The following CCDC33 variants were observed in gnomAD, a reference collection of about 807,000 sequenced individuals.
CCDC33 encodes coiled-coil domain-containing protein 33.
In CCDC33, 94 loss-of-function variants were observed where a neutral mutation model predicts 91.9. That is an observed-to-expected ratio of 1.02 (90% CI 0.87 to 1.21). The LOEUF (loss-of-function observed/expected upper bound fraction) is 1.21. Among genes scored for constraint, CCDC33 ranks in the 50% most tolerant of loss-of-function variants. CCDC33 has a pLI of 0.00. For synonymous variants in CCDC33, 396 were observed against 374.5 expected (o/e 1.06, Z -0.66); for missense variants, 940 against 935.5 (o/e 1.00, Z -0.06).
intron 11 of CCDC33, chr15:74,301,816 C>T (rs2059799964): frequency 1.3e-5 from 2 of 152,118 alleles, no homozygotes; most frequent in Admixed American, 1.3e-4. Flanking sequence ...CTCTTCCTGT[C>T]TCTCTCCCTG....
Position 74,270,083 on chromosome 15 carries a change from A to G in CCDC33, c.547-1620A>G, listed in dbSNP as rs114743894. Reference sequence around the variant, plus strand: ...GTACCATCAGAGATTCAATCCTTTGAATGTGATGAAGGGATTCAGTCTCCA... The same window carrying G: ...GTACCATCAGAGATTCAATCCTTTGGATGTGATGAAGGGATTCAGTCTCCA... On this transcript the variant is annotated intron_variant, in intron 5 of 18. Transcript: ENST00000398814. Among the ~76,000 whole-genome samples, 902 of 152,262 alleles carry G rather than the reference A, an allele frequency of 5.9e-3. 9 individuals carry two copies. Among genetic ancestry groups the G allele is most frequent in the African/African-American group, 0.02 (848 of 41,540 alleles).
rs1443954053 is a variant in CCDC33 at position 74,330,271 on chromosome 15, G to A, written c.1373G>A (p.Gly458Glu). The stretch of plus-strand genomic sequence containing the variant: ...CGGAGACAGGCCAGCATCCTGGAAG[G>A]AGAGAACCGCATACTGAGGAGCCGC... ...SLRRQASILE[G>E]ENRILRSRLA... Residue 458 changes from glycine (G) to glutamate (E), a missense_variant, in exon 12 of 19, where the codon GGA becomes GAA. Gly to Glu is a moderately conservative substitution (Grantham distance 98). Transcript: ENST00000398814. 2.5e-6 allele frequency: 4 copies of A among 1,612,782 alleles called. No individual in the cohort carries two copies. In the South Asian group the frequency reaches 3.3e-5, roughly 13 times the overall value.
rs145607174 is a variant in CCDC33, at chr15:74,248,157, A to G, written c.185+4009A>G. On this transcript the variant is annotated intron_variant, in intron 2 of 18. Coordinates refer to ENST00000398814, the MANE Select transcript of CCDC33 (RefSeq NM_025055.5). ...TGTTTTCACCACATACACGAAAGGTAACTGTGAGGTGATAGATGTGTTAAC... is the reference window on the plus strand; with the variant it reads ...TGTTTTCACCACATACACGAAAGGTGACTGTGAGGTGATAGATGTGTTAAC... Among the ~76,000 whole-genome samples, 306 of 152,268 alleles carry G rather than the reference A, an allele frequency of 2.0e-3. 2 individuals are homozygous for G. Among genetic ancestry groups the G allele is most frequent in the East Asian group, 1.3e-3 (7 of 5,188 alleles).
chr15:74,252,925 A>C (rs2075752474), intron 2 of CCDC33, among the ~76,000 whole-genome samples: 1 of 152,156 alleles, frequency 6.6e-6, no homozygotes, highest in African/African-American at 2.4e-5. Flanking sequence ...AGCTGGTGTC[A>C]GTGGTTGAAG....
In CCDC33 at chr15:74,236,614, G is replaced by A. The variant is rs1014133603; in HGVS notation, c.-106G>A. 6.0e-5 allele frequency: 62 copies of A among 1,027,194 alleles called. No individual in the cohort carries two copies. The East Asian group carries it at 6.5e-4, about 11-fold the overall frequency. The allele number at this position is 1,027,194 out of a possible 1,614,324, so 63.6% of individuals were successfully genotyped here. A position where few individuals can be genotyped will look rare whatever the true frequency, so the allele number is the denominator to read the frequency against. On this transcript the variant is annotated 5_prime_UTR_variant, in exon 1 of 19. Coordinates refer to ENST00000398814, the MANE Select transcript of CCDC33 (RefSeq NM_025055.5). ...CTACTACCCATAAGGACTCCAAGAC[G>A]CCCAGGCCAGCTGTCTGGGCAGGAC...
chr15:74,222,898 C>A (rs555029556), intron 2 of CCDC33, among the ~76,000 whole-genome samples: 3 of 151,676 alleles, frequency 2.0e-5, no homozygotes, highest in South Asian at 4.2e-4. Flanking sequence ...AAGGCCCAAG[C>A]ACTCCGTCCT....
intron 7 of CCDC33, among the ~76,000 whole-genome samples, chr15:74,276,800 G>A (rs952725875): frequency 2.0e-5 from 3 of 152,180 alleles, no homozygotes; most frequent in African/African-American, 7.2e-5. Flanking sequence ...TGCTGCACTC[G>A]CAGTCTGGAA....
Position 74,330,174 on chromosome 15 carries a change from C to A in CCDC33, c.1291-15C>A, listed in dbSNP as rs2060398206. On this transcript the variant is annotated splice_polypyrimidine_tract_variant and intron_variant, in intron 11 of 18. Transcript: ENST00000398814. ...ATGGGGCAGTGGGCTCAGCTCTGGG[C>A]TCTGGGATCCACAGGAGATGAACAA... The A allele has an allele frequency of 6.3e-7, 1 of 1,588,122 alleles. No homozygotes were observed.
intron 2 of CCDC33, among the ~76,000 whole-genome samples, chr15:74,246,536 A>T (rs1045666712): frequency 6.6e-6 from 1 of 152,248 alleles, no homozygotes; most frequent in Non-Finnish European, 1.5e-5. Flanking sequence ...TTTTCCAACA[A>T]AGAAATACAA....
intron 16 of CCDC33, chr15:74,333,404 C>T: frequency 1.0e-6 from 1 of 996,368 alleles, no homozygotes; most frequent in South Asian, 1.4e-5. Context: ...TTACATAAAC[C>T]CCAAAGCAGA....
intron 2 of CCDC33, chr15:74,221,240 T>TTTTTAAAAAAAAAA: frequency 1.1e-6 from 1 of 935,132 alleles, no homozygotes; most frequent in Non-Finnish European, 1.3e-6. Context: ...TTTTTTTTTT[T>TTTTTAAAAAAAAAA]TTTCACCAGA....
At chr15:74,320,197 GC>G (rs1424867823) in intron 11 of CCDC33, among the ~76,000 whole-genome samples, 1 of 152,140 alleles carries the variant, frequency 6.6e-6, no homozygotes, top group Non-Finnish European at 1.5e-5. Context: ...GAGCTTCCGG[GC>G]CTGGCTGGTG....
In CCDC33 at chr15:74,332,885, T is replaced by C. The variant is rs368438090; in HGVS notation, c.1938+40T>C. 3.1e-5 allele frequency: 49 copies of C among 1,598,308 alleles called. No individual in the cohort carries two copies. In the African/African-American group the frequency reaches 3.1e-4, roughly 10 times the overall value. On this transcript the variant is annotated intron_variant, in intron 16 of 18. Transcript: ENST00000398814. Reference sequence around the variant, plus strand: ...ACCTGGGCCTGCCTATGCCGGTCACTGGGTGCCCAGAAATCACCCATGGTA... The same window carrying C: ...ACCTGGGCCTGCCTATGCCGGTCACCGGGTGCCCAGAAATCACCCATGGTA...
chr15:74,243,299 GT>G (rs1360352186), intron 1 of CCDC33, among the ~76,000 whole-genome samples: 1 of 152,258 alleles, frequency 6.6e-6, no homozygotes, highest in Non-Finnish European at 1.5e-5. Context: ...GGGACCTGAG[GT>G]GATGGGTGAG....
intron 2 of CCDC33, among the ~76,000 whole-genome samples, chr15:74,228,200 A>C (rs937307913): frequency 6.6e-6 from 1 of 152,218 alleles, no homozygotes; most frequent in Non-Finnish European, 1.5e-5. Context: ...CTGAAGGCGC[A>C]GTAGAGGGGT....
At chr15:74,211,880 CTCTG>C (rs779817544) in intron 2 of CCDC33, among the ~76,000 whole-genome samples, 4 of 152,044 alleles carry the variant, frequency 2.6e-5, no homozygotes, top group Admixed American at 1.3e-4. Context: ...CTCCTTCTTT[CTCTG>C]TCTAACTCTG....
intron 2 of CCDC33, among the ~76,000 whole-genome samples, chr15:74,219,492 T>TA (rs1221608112): frequency 6.6e-6 from 1 of 152,100 alleles, no homozygotes; most frequent in African/African-American, 2.4e-5. Context: ...CCTTAGTGTA[T>TA]AATAGTGCAC....
intron 2 of CCDC33, among the ~76,000 whole-genome samples, chr15:74,227,419 T>A (rs2074837645): frequency 6.6e-6 from 1 of 152,146 alleles, no homozygotes; most frequent in Non-Finnish European, 1.5e-5. Context: ...GGGGAAGCAC[T>A]TTGAGGGAGG....
At chr15:74,213,688 A>C (rs1403268525), upstream of CCDC33, among the ~76,000 whole-genome samples, 1 of 152,128 alleles carries the variant, frequency 6.6e-6, no homozygotes, top group Non-Finnish European at 1.5e-5. Context: ...ACTGGCTGCC[A>C]TTCTTCCCTT....
Sources: gnomAD v4.1 joint callset for allele counts (sites outside exome capture counted in the v4.1 genomes callset) on GRCh38, gnomAD v4.1.1 for gene constraint, MANE v1.5 for transcripts, NCBI Gene and HGNC (gene_info 2026-07-23, HGNC 2026-07-21) for gene names.